PAK3: variants seen among roughly 807,000 people sequenced by gnomAD.
PAK3 encodes the protein serine/threonine-protein kinase PAK 3.
In PAK3, 4 loss-of-function variants were observed where a neutral mutation model predicts 41.0. That is an observed-to-expected ratio of 0.10 (90% CI 0.05 to 0.22). The LOEUF (loss-of-function observed/expected upper bound fraction) is 0.22. Among genes scored for constraint, PAK3 ranks in the 10% least tolerant of loss-of-function variants. PAK3 has a pLI of 1.00. For synonymous variants in PAK3, 146 were observed against 139.6 expected (o/e 1.05, Z -0.32); for missense variants, 205 against 409.9 (o/e 0.50, Z 4.32).
At chrX:111,205,713 A>G (rs185812581) in intron 16 of PAK3, among the ~76,000 whole-genome samples, 49 of 111,453 alleles carry the variant, frequency 4.4e-4, no homozygotes, top group African/African-American at 1.6e-3. Context: ...AGTAGTATTA[A>G]AAGAATTGTA....
chrX:111,162,028 T>A (rs1195066308), intron 8 of PAK3, among the ~76,000 whole-genome samples: 1 of 111,769 alleles, frequency 8.9e-6, no homozygotes, highest in African/African-American at 3.3e-5. Context: ...CTTGTTATAA[T>A]ACAGATCGCT....
intron 1 of PAK3, among the ~76,000 whole-genome samples, chrX:110,947,882 GT>G (rs1456553426): frequency 9.0e-6 from 1 of 111,719 alleles, no homozygotes; most frequent in African/African-American, 3.3e-5. Flanking sequence ...TTAAAATGAG[GT>G]TGATAATAAT....
chrX:111,188,680 A>G (rs1444725490), intron 11 of PAK3, among the ~76,000 whole-genome samples: 2 of 111,618 alleles, frequency 1.8e-5, no homozygotes, highest in African/African-American at 6.5e-5. Flanking sequence ...ACCAATAACA[A>G]CAGCGGCAAC....
intron 4 of PAK3, among the ~76,000 whole-genome samples, chrX:111,104,495 T>C (rs1476609373): frequency 9.0e-6 from 1 of 111,661 alleles, no homozygotes; most frequent in Non-Finnish European, 1.9e-5. Flanking sequence ...AGCCATGGAA[T>C]TGAAGGTATG....
rs184243616 is a variant in PAK3, at chrX:110,956,718, C to T, written c.-28+12090C>T. On this transcript the variant is annotated intron_variant, in intron 1 of 14. Coordinates refer to the PAK3 transcript ENST00000425146. ...CAAAGTTCTGTCATTGCCCTCCCCA[C>T]GCCTCCCCTGTCGGCTCCACCAGCC... Among the ~76,000 whole-genome samples, 17 of 111,625 alleles carry T rather than the reference C, an allele frequency of 1.5e-4. No homozygotes were observed. The South Asian group carries it at 1.5e-3, about 10-fold the overall frequency.
chrX:111,094,579 T>C (rs2092954428), upstream of PAK3, among the ~76,000 whole-genome samples: 1 of 111,158 alleles, frequency 9.0e-6, no homozygotes, highest in South Asian at 3.8e-4. Context: ...TTGTTGTTTT[T>C]CTCAATTCCC....
chrX:111,051,506 G>A (rs1056610070), intron 1 of PAK3, among the ~76,000 whole-genome samples: 1 of 111,596 alleles, frequency 9.0e-6, no homozygotes, highest in South Asian at 3.8e-4. Flanking sequence ...TCTAGACCTG[G>A]TCTTCCATAT....
chrX:111,199,793 C>A (rs777403072), intron 16 of PAK3, among the ~76,000 whole-genome samples: 348 of 111,733 alleles, frequency 3.1e-3, no homozygotes, highest in Non-Finnish European at 4.4e-3. Context: ...ATCTTGTTAT[C>A]CCTGCAAAGA....
intron 11 of PAK3, among the ~76,000 whole-genome samples, chrX:111,187,744 T>G (rs2094524304): frequency 2.7e-5 from 3 of 111,024 alleles, no homozygotes; most frequent in African/African-American, 9.8e-5. Flanking sequence ...GTGGTAAATT[T>G]TAATTTGCAG....
chrX:111,098,074 G>A (rs1008228888), intron 3 of PAK3, among the ~76,000 whole-genome samples: 2 of 110,910 alleles, frequency 1.8e-5, no homozygotes. Context: ...TAAGCTAGGG[G>A]ACACAGGACC....
intron 1 of PAK3, among the ~76,000 whole-genome samples, chrX:111,035,179 A>G (rs753465221): frequency 1.0e-5 from 1 of 96,926 alleles, no homozygotes; most frequent in African/African-American, 3.6e-5. Context: ...AAGAAAGAAA[A>G]AAAGAAACGG....
intron 10 of PAK3, among the ~76,000 whole-genome samples, chrX:111,171,939 A>G (rs758867744): frequency 1.8e-5 from 2 of 111,771 alleles, no homozygotes; most frequent in Admixed American, 1.9e-4. Flanking sequence ...TTGGAAATAT[A>G]TGTTTTGAAC....
chrX:111,093,909 G>A (rs1430828700), upstream of PAK3, among the ~76,000 whole-genome samples: 1 of 112,080 alleles, frequency 8.9e-6, no homozygotes, highest in Non-Finnish European at 1.9e-5. Context: ...CATTAGCCAG[G>A]AAAATCCAGT....
chrX:111,117,244 G>A (rs954737185), intron 4 of PAK3, among the ~76,000 whole-genome samples: 3 of 112,070 alleles, frequency 2.7e-5, no homozygotes, highest in Non-Finnish European at 3.8e-5. Flanking sequence ...AATATTTTAA[G>A]AGGATAAAAA....
intron 1 of PAK3, among the ~76,000 whole-genome samples, chrX:111,086,167 A>C (rs1569308967): frequency 9.0e-6 from 1 of 110,841 alleles, no homozygotes; most frequent in East Asian, 2.8e-4. Flanking sequence ...ATAACAAAAA[A>C]TATTATTCTT....
chrX:111,200,670 A>T (rs2094672296), intron 16 of PAK3, among the ~76,000 whole-genome samples: 1 of 111,942 alleles, frequency 8.9e-6, no homozygotes, highest in African/African-American at 3.2e-5. Flanking sequence ...GAAAGAACAC[A>T]TCGGACCTCT....
At chrX:111,134,156 G>A (rs2093755797) in intron 5 of PAK3, among the ~76,000 whole-genome samples, 1 of 111,749 alleles carries the variant, frequency 8.9e-6, no homozygotes, top group African/African-American at 3.3e-5. Flanking sequence ...TCATCTTGGG[G>A]GAGAATTGGT....
chrX:111,106,850 C>A (rs1001204391), intron 4 of PAK3, among the ~76,000 whole-genome samples: 1 of 111,950 alleles, frequency 8.9e-6, no homozygotes, highest in Non-Finnish European at 1.9e-5. Context: ...GAAATAGATC[C>A]TTTCAGAGCA....
chrX:110,951,885 T>A (rs2090752165), intron 1 of PAK3, among the ~76,000 whole-genome samples: 1 of 112,283 alleles, frequency 8.9e-6, no homozygotes, highest in Non-Finnish European at 1.9e-5. Flanking sequence ...CTCTATCTCA[T>A]CTTAAGACAC....
Sources: gnomAD v4.1 joint callset for allele counts (sites outside exome capture counted in the v4.1 genomes callset) on GRCh38, gnomAD v4.1.1 for gene constraint, MANE v1.5 for transcripts, NCBI Gene and HGNC (gene_info 2026-07-23, HGNC 2026-07-21) for gene names.